Variants in TRIP6 observed in about 807,000 individuals in gnomAD.
TRIP6 encodes the protein thyroid receptor-interacting protein 6.
TRIP6 carries 33 observed loss-of-function variants against 51.9 expected under a neutral mutation model. The observed-to-expected ratio is 0.64, with a 90% CI of 0.48 to 0.85. The LOEUF (loss-of-function observed/expected upper bound fraction) is 0.85, where lower values mean the gene tolerates loss of function less well. Among genes scored for constraint, TRIP6 ranks in the 40% least tolerant of loss-of-function variants. TRIP6 has a pLI of 0.00. For synonymous variants in TRIP6, 255 were observed against 275.8 expected, an observed-to-expected ratio of 0.92 and a Z score of 0.75; for missense variants, 661 against 652.1, an observed-to-expected ratio of 1.01 and a Z score of -0.15.
intron 4 of TRIP6, among the ~76,000 whole-genome samples, chr7:100,869,503 A>G (rs1014768751): frequency 7.9e-5 from 12 of 151,046 alleles, no homozygotes; most frequent in Non-Finnish European, 1.3e-4. Context: ...ATGGTGGCAC[A>G]TGCCTGTAAT....
chr7:100,872,275 C>T (rs998376915), intron 7 of TRIP6, among the ~76,000 whole-genome samples: 1 of 150,770 alleles, frequency 6.6e-6, no homozygotes, highest in African/African-American at 2.4e-5. Flanking sequence ...TCAAGCGATC[C>T]ACCTGCCTCG....
At position 100,867,634 on chromosome 7, in the gene TRIP6, G is replaced by T; in HGVS notation, c.109+28G>T. 1 of 1,549,332 alleles carries T rather than the reference G, an allele frequency of 6.5e-7. No homozygotes were observed. ...AAGGCAGCCCTTGTGAGACAGAAGA[G>T]CCACCCAGCTGTGGCGCTCACCTCT... On this transcript the variant is annotated intron_variant, in intron 1 of 8. Transcript: ENST00000200457. This position sits in a 1 kb window ranked among gnomAD's most constrained non-coding sequence, Gnocchi z 5.4.
chr7:100,873,136 A>G, intron 8 of TRIP6, 36 bp from the exon 9 acceptor site: 3 of 1,598,966 alleles, frequency 1.9e-6, no homozygotes, highest in Non-Finnish European at 2.6e-6. Context: ...GGCGTGAGCC[A>G]TCGCGCCCGG....
Position 100,873,318 on chromosome 7 carries a change from A to C in TRIP6, c.*15A>C, listed in dbSNP as rs781066528. The stretch of plus-strand genomic sequence containing the variant: ...CTGACTGCTGAGTCTTCCTAGAAGT[A>C]CCTGCTGGGTTCTCAGTTCCAGTTC... On this transcript the variant is annotated 3_prime_UTR_variant, in exon 9 of 9. Coordinates refer to ENST00000200457, the MANE Select transcript of TRIP6 (RefSeq NM_003302.3). 56 of 1,591,950 alleles carry C rather than the reference A, an allele frequency of 3.5e-5. No homozygotes were observed. The highest frequency in any genetic ancestry group is 4.5e-5 in the Non-Finnish European group (52 of 1,163,510).
At position 100,868,885 on chromosome 7, in the gene TRIP6, G is replaced by C. The variant is rs779570429; in HGVS notation, c.735+19G>C. ...GCCCCAGGTGAGCCCTGGGGAACTG[G>C]GATTTCAGGCCCTACAGACAATGGG... On this transcript the variant is annotated intron_variant, in intron 4 of 8. Transcript: ENST00000200457. The C allele has an allele frequency of 2.6e-5, 38 of 1,486,976 alleles. 1 individual carries two copies. In the Admixed American group the frequency reaches 9.0e-4, roughly 35 times the overall value. 92.1% of individuals were successfully genotyped at this position (1,486,976 alleles called of 1,614,324 possible).
chr7:100,870,348 G>A (rs1180526425), intron 4 of TRIP6, 22 bp from the exon 5 acceptor site: 20 of 1,461,586 alleles, frequency 1.4e-5, no homozygotes, highest in African/African-American at 5.1e-5. Context: ...GAGTAGGACC[G>A]AGCCCGATTC....
Position 100,867,892 on chromosome 7 carries a change from C to T in TRIP6, c.141C>T (p.Cys47=), listed in dbSNP as rs749082242. ...ALQPHPRVNF[C]PLPSEQCYQA... ...AGCCCCACCCCAGGGTCAATTTTTG[C>T]CCCCTTCCATCTGAGCAGTGTTACC... The change falls in exon 2 of 9, where the codon TGC becomes TGT. Residue 47 remains cysteine, a synonymous_variant. Transcript: ENST00000200457. The surrounding 1 kb of genome is among the most constrained non-coding windows in gnomAD (Gnocchi z 5.4). The T allele has an allele frequency of 1.3e-6, 2 of 1,532,986 alleles. No homozygotes were observed. Among genetic ancestry groups the T allele is most frequent in the East Asian group, 2.3e-5 (1 of 43,072 alleles). The allele number at this position is 1,532,986 out of a possible 1,614,324, so 95.0% of individuals were successfully genotyped here. A position where few individuals can be genotyped will look rare whatever the true frequency, so the allele number is the denominator to read the frequency against.
Position 100,867,616 on chromosome 7 carries a change from C to A in TRIP6, c.109+10C>A. On this transcript the variant is annotated intron_variant, in intron 1 of 8. Coordinates refer to ENST00000200457, the MANE Select transcript of TRIP6 (RefSeq NM_003302.3). This position sits in a 1 kb window ranked among gnomAD's most constrained non-coding sequence, Gnocchi z 5.4. ...CCGGCCCACGGAGCAGGTAAGGCAG[C>A]CCTTGTGAGACAGAAGAGCCACCCA... is the stretch of plus-strand genomic sequence containing the variant. The A allele has an allele frequency of 6.5e-7, 1 of 1,542,928 alleles. No homozygotes were observed. Among genetic ancestry groups the A allele is most frequent in the Non-Finnish European group, 8.7e-7 (1 of 1,148,438 alleles).
intron 8 of TRIP6, 192 bp downstream of exon 8, chr7:100,872,936 C>T (rs1448478213): frequency 8.1e-6 from 9 of 1,108,556 alleles, no homozygotes; most frequent in East Asian, 2.8e-5. Flanking sequence ...CTGCAACCTC[C>T]ACCTCCCGGG....
chr7:100,872,553 T>C, intron 7 of TRIP6, 71 bp from the exon 8 acceptor site: 1 of 1,594,696 alleles, frequency 6.3e-7, no homozygotes, highest in Non-Finnish European at 8.6e-7. Flanking sequence ...TGCCCCACCT[T>C]CTCTGGGTTC....
At chr7:100,872,978 G>A in intron 8 of TRIP6, 194 bp from the exon 9 acceptor site, 1 of 1,087,468 alleles carries the variant, frequency 9.2e-7, no homozygotes, top group South Asian at 1.7e-5. Flanking sequence ...AGCCTCCTGA[G>A]TAGCTGGGAT....
Position 100,868,736 on chromosome 7 carries a change from T to C in TRIP6, c.605T>C (p.Leu202Pro), listed in dbSNP as rs1815205380. 5 of 1,558,632 alleles carry C rather than the reference T, an allele frequency of 3.2e-6. No homozygotes were observed. The highest frequency in any genetic ancestry group is 3.5e-6 in the Non-Finnish European group (4 of 1,155,642). ...CCCCTCCCGGGCCCCCACTTTCCTC[T>C]CCCAGGCCGAGGTGAAGTCTGGGGG... ...SGPLPGPHFP[L>P]PGRGEVWGPG... Residue 202 changes from leucine (L) to proline (P), a missense_variant, in exon 4 of 9, where the codon CTC becomes CCC. By Grantham distance (98) the Leu-to-Pro change is moderately conservative. Transcript: ENST00000200457.
intron 7 of TRIP6, 132 bp from the exon 8 acceptor site, chr7:100,872,492 C>A: frequency 2.2e-6 from 3 of 1,377,166 alleles, no homozygotes; most frequent in Non-Finnish European, 2.9e-6. Flanking sequence ...TTGACATCGT[C>A]CCTTCCCCAA....
chr7:100,868,439 T>A, intron 3 of TRIP6, 56 bp from the exon 4 acceptor site: 1 of 1,611,254 alleles, frequency 6.2e-7, no homozygotes, highest in Non-Finnish European at 8.5e-7. Context: ...TTTCCACAAA[T>A]GTGGGTCTTG....
chr7:100,869,632 C>CAAAA (rs757024618), intron 4 of TRIP6, among the ~76,000 whole-genome samples: 9 of 37,618 alleles, frequency 2.4e-4, no homozygotes, highest in African/African-American at 3.9e-4. Context: ...AACTCTGTCT[C>CAAAA]AAAAAAAAAA....
intron 7 of TRIP6, among the ~76,000 whole-genome samples, 181 bp downstream of exon 7, chr7:100,871,902 C>G (rs1815280205): frequency 6.6e-6 from 1 of 152,182 alleles, no homozygotes; most frequent in African/African-American, 2.4e-5. Flanking sequence ...ATGGCATGAT[C>G]ATAGCTCACT....
In TRIP6 at chr7:100,868,946, G is replaced by C. The variant is rs1563002364; in HGVS notation, c.735+80G>C. The C allele has an allele frequency of 5.7e-6, 8 of 1,409,040 alleles. No homozygotes were observed. In the South Asian group the frequency reaches 1.1e-4, roughly 19 times the overall value. 87.3% of individuals were successfully genotyped at this position (1,409,040 alleles called of 1,614,324 possible). A position where few individuals can be genotyped will look rare whatever the true frequency, so the allele number is the denominator to read the frequency against. ...GGTGGGGTGGCTGGTGGTGTTTTAG[G>C]GGGCTTTTTTGTTTTTTGAGACAGA... is the stretch of plus-strand genomic sequence containing the variant. On this transcript the variant is annotated intron_variant, in intron 4 of 8. Coordinates refer to ENST00000200457, the MANE Select transcript of TRIP6 (RefSeq NM_003302.3).
At position 100,868,396 on chromosome 7, in the gene TRIP6, C is replaced by CA; in HGVS notation, c.364-94dup. 1.9e-6 allele frequency: 3 copies of CA among 1,591,758 alleles called. No homozygotes were observed. In the South Asian group the frequency reaches 3.4e-5, roughly 18 times the overall value. On this transcript the variant is annotated intron_variant, in intron 3 of 8. Coordinates refer to ENST00000200457, the MANE Select transcript of TRIP6 (RefSeq NM_003302.3). ...CTTGAGGACGGGACCTTGTCAAATG[C>CA]AAAAAGCCTGTGCTTCCCCACAGCC... is the stretch of plus-strand genomic sequence containing the variant.
chr7:100,872,698 T>C lies in TRIP6; in HGVS notation c.1253T>C (p.Ile418Thr), dbSNP rs1563003716. ...PEPGQEETVR[I>T]VALDRSFHIG... is the part of the protein sequence containing the mutation. ...CCAGGTCAGGAGGAGACTGTGAGAA[T>C]TGTTGCTCTGGATCGAAGTTTTCAC... is the stretch of plus-strand genomic sequence containing the variant. Residue 418 changes from isoleucine to threonine, a missense_variant, in exon 8 of 9, where the codon ATT becomes ACT. By Grantham distance (89) the Ile-to-Thr change is moderately conservative. Coordinates refer to ENST00000200457, the MANE Select transcript of TRIP6 (RefSeq NM_003302.3). The C allele has an allele frequency of 6.2e-7, 1 of 1,614,044 alleles. No individual in the cohort carries two copies. The highest frequency in any genetic ancestry group is 8.5e-7 in the Non-Finnish European group (1 of 1,179,980).
Sources: allele counts gnomAD v4.1 joint callset (sites outside exome capture counted in the v4.1 genomes callset), GRCh38; gene constraint gnomAD v4.1.1; non-coding constraint Gnocchi (gnomAD v3.1); transcripts MANE v1.5; gene names NCBI Gene and HGNC (gene_info 2026-07-23, HGNC 2026-07-21).